Variants in C1orf94 observed in about 807,000 individuals in gnomAD.
C1orf94 encodes uncharacterized protein C1orf94.
C1orf94 carries 45 observed loss-of-function variants against 53.6 expected under a neutral mutation model. The observed-to-expected ratio is 0.84, with a 90% confidence interval of 0.66 to 1.08. The LOEUF (loss-of-function observed/expected upper bound fraction) is 1.08, where lower values mean the gene tolerates loss of function less well. Ranked by LOEUF, C1orf94 falls within the 50% of genes least tolerant of loss-of-function variation. The pLI, the probability that C1orf94 is intolerant of heterozygous loss-of-function variation, is 0.00. For missense variants in C1orf94, 762 were observed against 738.9 expected, an observed-to-expected ratio of 1.03 and a Z score of -0.36; for synonymous variants, 304 against 296.1, an observed-to-expected ratio of 1.03 and a Z score of -0.27.
Position 34,179,917 on chromosome 1 carries a change from G to A in C1orf94, c.320+1808G>A, listed in dbSNP as rs201289031. Reference sequence around the variant, plus strand: ...TTTTACTTACTAGAGTTCTGAGTAGGGCTGAATTTGAAAAACATGTTTCTG... The same window carrying A: ...TTTTACTTACTAGAGTTCTGAGTAGAGCTGAATTTGAAAAACATGTTTCTG... On this transcript the variant is annotated intron_variant, in intron 1 of 6. Transcript: ENST00000488417. 3.9e-5 allele frequency among the ~76,000 whole-genome samples: 6 copies of A among 152,244 alleles called. No homozygotes were observed. In the East Asian group the frequency reaches 1.2e-3, roughly 29 times the overall value.
At position 34,177,880 on chromosome 1, in the gene C1orf94, C is replaced by T; in HGVS notation, c.91C>T (p.Pro31Ser). 6.4e-7 allele frequency: 1 copy of T among 1,551,596 alleles called. No homozygotes were observed. Among genetic ancestry groups the T allele is most frequent in the African/African-American group, 1.4e-5 (1 of 73,180 alleles). ...GAGGATGGCCAGCGGGAATGGGCTT[C>T]CTTCATCCTCGGCCCTGGTGGCCAA... ...RRRMASGNGL[P>S]SSSALVAKGP... Residue 31 changes from proline (P) to serine (S), a missense_variant, in exon 1 of 7, where the codon CCT becomes TCT. Physicochemically the swap from Pro to Ser is moderately conservative, Grantham distance 74. Transcript: ENST00000488417.
rs1401219964 is a variant in C1orf94 at position 34,197,382 on chromosome 1, T to A, written c.478T>A (p.Cys160Ser). 6.2e-7 allele frequency: 1 copy of A among 1,613,358 alleles called. No individual in the cohort carries two copies. The highest frequency in any genetic ancestry group is 1.1e-5 in the South Asian group (1 of 90,980). The change falls in exon 2 of 7, where the codon TGC (cysteine) becomes AGC (serine). Residue 160 changes from cysteine (C) to serine (S), a missense_variant. Transcript: ENST00000488417. This position sits in a 1 kb window ranked among gnomAD's most constrained non-coding sequence, Gnocchi z 4.1. ...SPEGTRELAPCILAPPLVAGS... is the reference protein window; with the variant it reads ...SPEGTRELAPSILAPPLVAGS... ...CGAGGGGACCAGAGAGCTGGCTCCC[T>A]GCATTCTTGCCCCTCCTCTAGTGGC...
At chr1:34,194,062 C>T (rs1187825923) in intron 1 of C1orf94, among the ~76,000 whole-genome samples, 2 of 152,164 alleles carry the variant, frequency 1.3e-5, no homozygotes, top group Non-Finnish European at 2.9e-5. Flanking sequence ...TTTCCTTAAA[C>T]ACCACAAAGG....
intron 1 of C1orf94, among the ~76,000 whole-genome samples, chr1:34,182,952 C>T (rs1334699722): frequency 1.3e-5 from 2 of 152,312 alleles, no homozygotes; most frequent in Middle Eastern, 3.4e-3. Flanking sequence ...AAACACTAGC[C>T]AAGAGCATTA....
chr1:34,190,943 C>T (rs962491849), intron 1 of C1orf94, among the ~76,000 whole-genome samples: 8 of 152,284 alleles, frequency 5.3e-5, no homozygotes, highest in East Asian at 3.9e-4. Context: ...GAGGTTCTTC[C>T]GCTGTGGGCT....
At chr1:34,178,819 A>G (rs1017070749) in intron 1 of C1orf94, among the ~76,000 whole-genome samples, 2 of 152,240 alleles carry the variant, frequency 1.3e-5, no homozygotes, top group Non-Finnish European at 1.5e-5. Context: ...AGGAAAAGAA[A>G]GTAAATCTGC....
intron 1 of C1orf94, among the ~76,000 whole-genome samples, chr1:34,180,777 G>C (rs768564103): frequency 6.6e-6 from 1 of 152,234 alleles, no homozygotes; most frequent in Non-Finnish European, 1.5e-5. Flanking sequence ...TTAATTTGTA[G>C]ACCTGGTTTT....
chr1:34,202,989 T>G (rs1642737033), intron 4 of C1orf94, among the ~76,000 whole-genome samples: 2 of 152,176 alleles, frequency 1.3e-5, no homozygotes, highest in Admixed American at 1.3e-4. Flanking sequence ...AATCTAGAGA[T>G]TAAAGGATAC....
intron 6 of C1orf94, among the ~76,000 whole-genome samples, chr1:34,215,619 TG>T (rs1442600901): frequency 1.3e-5 from 2 of 152,076 alleles, no homozygotes; most frequent in Non-Finnish European, 2.9e-5. Flanking sequence ...TGGGACGTGA[TG>T]ATGGTTGAAT....
rs1032038320 is a variant in C1orf94, at chr1:34,188,741, G to A, written c.321-8484G>A. The stretch of plus-strand genomic sequence containing the variant: ...GCCCGGAGGGTGGAGGAGGGCTGGG[G>A]GTGGGGAGGCCAAAGCTTTCTCCAG... On this transcript the variant is annotated intron_variant, in intron 1 of 6. Transcript: ENST00000488417. Among the ~76,000 whole-genome samples, 3 of 152,164 alleles carry A rather than the reference G, an allele frequency of 2.0e-5. No individual in the cohort carries two copies. The East Asian group carries it at 5.8e-4, about 29-fold the overall frequency.
intron 6 of C1orf94, among the ~76,000 whole-genome samples, chr1:34,217,576 T>C (rs1025231908): frequency 5.3e-5 from 8 of 152,170 alleles, no homozygotes; most frequent in Non-Finnish European, 1.2e-4. Flanking sequence ...GGGCACATGA[T>C]ATGAAATAGG....
Position 34,177,741 on chromosome 1 carries a change from G to A in C1orf94, c.-49G>A, listed in dbSNP as rs1334912864. On this transcript the variant is annotated 5_prime_UTR_variant, in exon 1 of 7. Transcript: ENST00000488417. ...ACCTTGCTGGAGCGAAAGCCAGACA[G>A]AACTGACCCACTTCTGCCAAGCCCC... The A allele has an allele frequency of 6.8e-7, 1 of 1,479,312 alleles. No homozygotes were observed. Among genetic ancestry groups the A allele is most frequent in the South Asian group, 1.4e-5 (1 of 73,998 alleles). 91.6% of individuals were successfully genotyped at this position (1,479,312 alleles called of 1,614,324 possible). A position where few individuals can be genotyped will look rare whatever the true frequency, so the allele number is the denominator to read the frequency against.
At chr1:34,170,932 C>G (rs1324666878) in intron 1 of C1orf94, among the ~76,000 whole-genome samples, 1 of 152,188 alleles carries the variant, frequency 6.6e-6, no homozygotes, top group Non-Finnish European at 1.5e-5. Context: ...TAACCAGAGT[C>G]CACAATGGCT....
chr1:34,208,166 C>T lies in C1orf94; in HGVS notation c.1456C>T (p.Pro486Ser). ...STFLQYQGLY[P>S]QQAARMPYQQ... is the part of the protein sequence containing the mutation. The stretch of plus-strand genomic sequence containing the variant: ...CTCTGTTTCTCCCCAGGGCCTGTAC[C>T]CACAGCAGGCAGCGAGGATGCCCTA... The change falls in exon 5 of 7, where the codon CCA (proline) becomes TCA (serine). Residue 486 changes from proline (P) to serine (S), a missense_variant. Coordinates refer to ENST00000488417, the MANE Select transcript of C1orf94 (RefSeq NM_001134734.2). 1 of 1,614,102 alleles carries T rather than the reference C, an allele frequency of 6.2e-7. No homozygotes were observed. The highest frequency in any genetic ancestry group is 1.1e-5 in the South Asian group (1 of 91,062).
chr1:34,195,627 C>T (rs370935904), intron 1 of C1orf94, among the ~76,000 whole-genome samples: 1 of 152,232 alleles, frequency 6.6e-6, no homozygotes, highest in East Asian at 1.9e-4. Context: ...CTCATCAGGA[C>T]CCAGCAACTA....
At chr1:34,170,882 G>C (rs1241526431) in intron 1 of C1orf94, among the ~76,000 whole-genome samples, 6 of 151,998 alleles carry the variant, frequency 3.9e-5, no homozygotes, top group Non-Finnish European at 8.8e-5. Flanking sequence ...AGCCATCACT[G>C]AGCCCTCCAG....
At position 34,202,233 on chromosome 1, in the gene C1orf94, A is replaced by G. The variant is rs116349842; in HGVS notation, c.1420A>G (p.Asn474Asp). Reference sequence around the variant, plus strand: ...CTATCCACCTCCACCAGTGTTCACGAATCACTCTACCTTCTTGCAGTATCA... The same window carrying G: ...CTATCCACCTCCACCAGTGTTCACGGATCACTCTACCTTCTTGCAGTATCA... ...LNYPPPPVFT[N>D]HSTFLQYQGL... Residue 474 changes from asparagine to aspartate, a missense_variant, in exon 4 of 7, where the codon AAT (asparagine) becomes GAT (aspartate). By Grantham distance (23) the Asn-to-Asp change is conservative (BLOSUM62 1). Transcript: ENST00000488417. The G allele has an allele frequency of 3.7e-5, 60 of 1,614,162 alleles. No homozygotes were observed. Among genetic ancestry groups the G allele is most frequent in the East Asian group, 1.6e-4 (7 of 44,870 alleles).
At chr1:34,198,059 C>T (rs551631417) in intron 2 of C1orf94, 146 bp downstream of exon 2, 28 of 920,422 alleles carry the variant, frequency 3.0e-5, no homozygotes, top group Admixed American at 1.2e-4. Context: ...CCCCGAGGGA[C>T]GGGCTGTTTC....
At chr1:34,199,077 T>C (rs907948713) in intron 2 of C1orf94, among the ~76,000 whole-genome samples, 12 of 133,178 alleles carry the variant, frequency 9.0e-5, no homozygotes, top group Non-Finnish European at 1.8e-4. Context: ...GTTTTGAAGG[T>C]TTTAGTGTAT....
Sources: allele counts gnomAD v4.1 joint callset (sites outside exome capture counted in the v4.1 genomes callset), GRCh38; gene constraint gnomAD v4.1.1; non-coding constraint Gnocchi (gnomAD v3.1); transcripts MANE v1.5; gene names NCBI Gene and HGNC (gene_info 2026-07-23, HGNC 2026-07-21).